The following GLIS3 variants were observed in gnomAD, a reference collection of about 807,000 sequenced individuals.
The protein encoded by GLIS3 is zinc finger protein GLIS3.
Under a neutral mutation model 78.6 loss-of-function variants are expected in GLIS3, and 53 were observed. That is an observed-to-expected ratio of 0.67 (90% confidence interval 0.54 to 0.85). The LOEUF (loss-of-function observed/expected upper bound fraction) is 0.85. Ranked by LOEUF, GLIS3 falls within the 40% of genes least tolerant of loss-of-function variation. The probability of loss-of-function intolerance (pLI) is 0.00; values close to 1 mark genes in which losing one functional copy is unlikely to be tolerated. For synonymous variants in GLIS3, 684 were observed against 509.9 expected (o/e 1.34, Z -4.60); for missense variants, 1,703 against 1,231.1 (o/e 1.38, Z -5.74).
chr9:4,475,230 C>T, the GLIS3 span, among the ~76,000 whole-genome samples: 1 of 151,994 alleles, frequency 6.6e-6, no homozygotes, highest in Non-Finnish European at 1.5e-5. Context: ...TACATATGTC[C>T]AGAAAAGGGC....
the GLIS3 span, among the ~76,000 whole-genome samples, chr9:4,412,029 A>G: frequency 1.3e-5 from 2 of 152,230 alleles, no homozygotes; most frequent in African/African-American, 2.4e-5. Context: ...TCAAATGAGA[A>G]GGTTGTCAAA....
At chr9:4,107,198 T>C (rs1394729936) in intron 4 of GLIS3, among the ~76,000 whole-genome samples, 2 of 152,156 alleles carry the variant, frequency 1.3e-5, no homozygotes, top group African/African-American at 4.8e-5. Context: ...TATAGAAAAC[T>C]GAGGTAAGTC....
intron 4 of GLIS3, chr9:4,306,077 G>A (rs1232670758): frequency 6.6e-6 from 1 of 152,072 alleles, no homozygotes; most frequent in South Asian, 2.1e-4. Context: ...AGTCTTTTTT[G>A]TTGTTTTTTG....
At chr9:3,923,205 C>G (rs1825005544) in intron 6 of GLIS3, among the ~76,000 whole-genome samples, 1 of 152,166 alleles carries the variant, frequency 6.6e-6, no homozygotes, top group Non-Finnish European at 1.5e-5. Flanking sequence ...TCCCACATTA[C>G]CACTATAATT....
At chr9:3,837,534 G>A (rs1476621050) in intron 9 of GLIS3, among the ~76,000 whole-genome samples, 2 of 152,122 alleles carry the variant, frequency 1.3e-5, no homozygotes, top group Non-Finnish European at 2.9e-5. Flanking sequence ...TCCTTCAGTA[G>A]GCAAACGAAT....
chr9:4,386,229 G>C, the GLIS3 span, among the ~76,000 whole-genome samples: 1 of 152,122 alleles, frequency 6.6e-6, no homozygotes, highest in Non-Finnish European at 1.5e-5. Context: ...TGGTTACTAA[G>C]CTATATTACA....
intron 2 of GLIS3, among the ~76,000 whole-genome samples, chr9:4,327,539 G>T (rs916931961): frequency 1.6e-4 from 24 of 152,116 alleles, no homozygotes; most frequent in African/African-American, 5.8e-4. Flanking sequence ...AGGTGAGGAT[G>T]AATTGAAATG....
At chr9:4,190,320 T>C (rs1004636890) in intron 2 of GLIS3, among the ~76,000 whole-genome samples, 1 of 151,756 alleles carries the variant, frequency 6.6e-6, no homozygotes, top group African/African-American at 2.4e-5. Context: ...GAATAACCAA[T>C]ATAGAGAAGT....
the GLIS3 span, among the ~76,000 whole-genome samples, chr9:4,460,515 T>C: frequency 2.0e-3 from 301 of 152,282 alleles, 1 homozygote; most frequent in African/African-American, 6.8e-3. Context: ...ACTCCAAGTT[T>C]AGCTTGATGT....
At chr9:4,243,459 C>A (rs1823516577) in intron 2 of GLIS3, among the ~76,000 whole-genome samples, 2 of 152,052 alleles carry the variant, frequency 1.3e-5, no homozygotes, top group South Asian at 4.2e-4. Context: ...AGTACTAACA[C>A]CAGGGTAATC....
the GLIS3 span, among the ~76,000 whole-genome samples, chr9:4,400,713 T>G: frequency 6.6e-6 from 1 of 152,250 alleles, no homozygotes; most frequent in Non-Finnish European, 1.5e-5. Flanking sequence ...TCTTGCATCT[T>G]GGATACCACC....
In GLIS3 at chr9:3,962,949, G is replaced by T. The variant is rs541594186; in HGVS notation, c.1711-25760C>A. Reference sequence around the variant, plus strand: ...CAACAAGATCTGCTGTGATTTAAGGGGGGGGGGGGGAGAGAGATTTATTGA... The same window carrying T: ...CAACAAGATCTGCTGTGATTTAAGGTGGGGGGGGGGAGAGAGATTTATTGA... On this transcript the variant is annotated intron_variant, in intron 4 of 10. Coordinates refer to ENST00000381971, the MANE Select transcript of GLIS3 (RefSeq NM_001042413.2). Among the ~76,000 whole-genome samples, 25 of 145,204 alleles carry T rather than the reference G, an allele frequency of 1.7e-4. 1 individual carries two copies. In the East Asian group the frequency reaches 1.8e-3, roughly 10 times the overall value.
intron 4 of GLIS3, among the ~76,000 whole-genome samples, chr9:4,068,834 A>G (rs868846002): frequency 1.3e-5 from 2 of 149,704 alleles, no homozygotes; most frequent in Non-Finnish European, 3.0e-5. Context: ...GCATGTATGC[A>G]TGTGTGTGTG....
At chr9:4,159,975 T>A (rs1835351173) in intron 2 of GLIS3, among the ~76,000 whole-genome samples, 1 of 152,180 alleles carries the variant, frequency 6.6e-6, no homozygotes, top group Non-Finnish European at 1.5e-5. Context: ...TGAATGTTAG[T>A]ATTAATATCA....
intron 2 of GLIS3, among the ~76,000 whole-genome samples, chr9:4,315,851 T>A (rs1817430189): frequency 6.6e-6 from 1 of 152,102 alleles, no homozygotes; most frequent in East Asian, 1.9e-4. Context: ...CCAGGACATG[T>A]TCTTCCAGGT....
At chr9:4,461,046 G>A in the GLIS3 span, among the ~76,000 whole-genome samples, 1 of 152,162 alleles carries the variant, frequency 6.6e-6, no homozygotes, top group Non-Finnish European at 1.5e-5. Context: ...GGGAGTTGGA[G>A]ATGTTCTCTT....
intron 2 of GLIS3, among the ~76,000 whole-genome samples, chr9:4,282,164 T>C (rs546136887): frequency 6.6e-6 from 1 of 152,206 alleles, no homozygotes; most frequent in African/African-American, 2.4e-5. Context: ...TCCCTAAGAG[T>C]TGCTATAATC....
At chr9:4,308,908 A>G (rs974657184) in exon 4 of GLIS3, 1 of 152,228 alleles carries the variant, frequency 6.6e-6, no homozygotes, top group Non-Finnish European at 1.5e-5. Context: ...TCCTGGCTCC[A>G]CATTTAATAG....
intron 2 of GLIS3, among the ~76,000 whole-genome samples, chr9:4,320,026 C>T (rs12238364): frequency 1.5e-3 from 72 of 47,710 alleles, no homozygotes; most frequent in Middle Eastern, 0.017. Flanking sequence ...TGTGTGTGTG[C>T]GCGCGCACAA....
Sources: gnomAD v4.1 joint callset for allele counts (sites outside exome capture counted in the v4.1 genomes callset) on GRCh38, gnomAD v4.1.1 for gene constraint, MANE v1.5 for transcripts, NCBI Gene and HGNC (gene_info 2026-07-23, HGNC 2026-07-21) for gene names.